Variants in HIF3A observed in about 807,000 individuals in gnomAD.
The protein encoded by HIF3A is hypoxia-inducible factor 3-alpha.
In HIF3A, 41 loss-of-function variants were observed where a neutral mutation model predicts 67.2. The observed-to-expected ratio is 0.61, with a 90% CI of 0.48 to 0.79. The LOEUF (loss-of-function observed/expected upper bound fraction) is 0.79, where lower values mean the gene tolerates loss of function less well. Ranked by LOEUF, HIF3A falls within the 30% of genes least tolerant of loss-of-function variation. HIF3A has a pLI of 0.00. For synonymous variants in HIF3A, 356 were observed against 374.8 expected, an observed-to-expected ratio of 0.95 and a Z score of 0.58; for missense variants, 855 against 898.0, an observed-to-expected ratio of 0.95 and a Z score of 0.61.
In HIF3A at chr19:46,321,773, C is replaced by A; in HGVS notation, c.1145-3C>A. 1 of 1,612,318 alleles carries A rather than the reference C, an allele frequency of 6.2e-7. No individual in the cohort carries two copies. Among genetic ancestry groups the A allele is most frequent in the South Asian group, 1.1e-5 (1 of 90,880 alleles). ...GTCCTCCCCATCTCCATGTGTCCTG[C>A]AGACACCCCTGGCCCCCGGATCCTT... On this transcript the variant is annotated splice_polypyrimidine_tract_variant and splice_region_variant and intron_variant, in intron 9 of 14. Transcript: ENST00000377670.
chr19:46,321,751 C>T (rs1169242558), intron 9 of HIF3A, 25 bp from the exon 10 acceptor site: 1 of 1,604,676 alleles, frequency 6.2e-7, no homozygotes, highest in Non-Finnish European at 8.5e-7. Flanking sequence ...AGCCCGTGTC[C>T]TCCCCATCTC....
chr19:46,305,764 A>G (rs1490997615), intron 3 of HIF3A, among the ~76,000 whole-genome samples: 1 of 152,156 alleles, frequency 6.6e-6, no homozygotes, highest in Non-Finnish European at 1.5e-5. Flanking sequence ...GGTGAGGAAA[A>G]AAAAACAGAA....
At chr19:46,339,454 G>T in intron 14 of HIF3A, 71 bp from the exon 15 acceptor site, 1 of 964,108 alleles carries the variant, frequency 1.0e-6, no homozygotes, top group East Asian at 2.7e-5. Context: ...CTGACATTGG[G>T]GTTATGGTTG....
At chr19:46,332,384 T>A (rs1436513787) in intron 13 of HIF3A, among the ~76,000 whole-genome samples, 7 of 150,186 alleles carry the variant, frequency 4.7e-5, no homozygotes, top group Non-Finnish European at 8.9e-5. Flanking sequence ...AAAAAAAAAA[T>A]TAAAATTTAA....
chr19:46,333,032 GTGTATATATA>G (rs1411712310), intron 13 of HIF3A, among the ~76,000 whole-genome samples: 1 of 150,492 alleles, frequency 6.6e-6, no homozygotes, highest in African/African-American at 2.4e-5. Context: ...GTATATATGT[GTGTATATATA>G]TGTATATATG....
At position 46,342,960 on chromosome 19, in the gene HIF3A, T is replaced by C. The variant is rs1971981459; in HGVS notation, c.*3338T>C. ...GCACTTACCTTGACTTTACCCCACA[T>C]GTTTGGGGCACCTGGGGCTCCCTCA... On this transcript the variant is annotated 3_prime_UTR_variant, in exon 15 of 15. Transcript: ENST00000377670. 6.6e-6 allele frequency: 1 copy of C among 152,360 alleles called. No individual in the cohort carries two copies. The highest frequency in any genetic ancestry group is 1.5e-5 in the Non-Finnish European group (1 of 68,056). 9.4% of individuals were successfully genotyped at this position (152,360 alleles called of 1,614,324 possible).
At chr19:46,330,025 G>C (rs543386392) in intron 12 of HIF3A, among the ~76,000 whole-genome samples, 1 of 135,990 alleles carries the variant, frequency 7.4e-6, no homozygotes, top group African/African-American at 2.7e-5. Flanking sequence ...AGGGAGGAAG[G>C]AAAGAAGAAG....
intron 8 of HIF3A, chr19:46,313,130 A>G: frequency 1.9e-6 from 1 of 532,832 alleles, no homozygotes; most frequent in Non-Finnish European, 2.4e-6. Flanking sequence ...ACATGCCTGT[A>G]ATCCCAACTA....
intron 6 of HIF3A, among the ~76,000 whole-genome samples, chr19:46,311,783 C>T (rs1969446211): frequency 6.6e-6 from 1 of 152,128 alleles, no homozygotes; most frequent in Non-Finnish European, 1.5e-5. Context: ...ATTGCTTGAG[C>T]CTGGGAGGTC....
rs543522717 is a variant in HIF3A at position 46,312,239 on chromosome 19, C to A, written c.849C>A (p.Ser283=). Residue 283 remains serine, a synonymous_variant, in exon 7 of 15, where the codon TCC becomes TCA. Transcript: ENST00000377670. ...ACGAGTACATCCACGCGCTGGACTC[C>A]GATGCGGTCAGCAAGAGCATCCACA... ...SAYEYIHALD[S]DAVSKSIHTL... is the part of the protein sequence containing the mutation. The A allele has an allele frequency of 6.2e-7, 1 of 1,613,914 alleles. No individual in the cohort carries two copies. The highest frequency in any genetic ancestry group is 8.5e-7 in the Non-Finnish European group (1 of 1,179,940).
intron 14 of HIF3A, chr19:46,338,105 C>T (rs1044805855): frequency 2.3e-6 from 1 of 433,446 alleles, no homozygotes; most frequent in African/African-American, 2.0e-5. Context: ...GAGTGTCGGT[C>T]CCATAAGGGC....
intron 1 of HIF3A, among the ~76,000 whole-genome samples, chr19:46,298,049 G>A (rs1967996223): frequency 6.6e-6 from 1 of 152,058 alleles, no homozygotes; most frequent in South Asian, 2.1e-4. Flanking sequence ...GCCGCTGCCG[G>A]GGGGTTTTAT....
At chr19:46,334,782 A>C (rs1971487923) in intron 13 of HIF3A, 123 bp from the exon 14 acceptor site, 1 of 698,116 alleles carries the variant, frequency 1.4e-6, no homozygotes, top group Non-Finnish European at 2.4e-6. Context: ...TTTGGGCTTA[A>C]GTGATCCTCC....
Position 46,309,289 on chromosome 19 carries a change from C to T in HIF3A, c.700C>T (p.Pro234Ser), listed in dbSNP as rs762980901. ...CATCCCCCACCCAGGCAGCCTGGAG[C>T]CCCCACTGGGCCGAGGGGCCTTCCT... The part of the protein sequence containing the change: ...EAIPHPGSLE[P>S]PLGRGAFLSR... Residue 234 changes from proline to serine, a missense_variant, in exon 6 of 15, where the codon CCC becomes TCC. Pro to Ser is a moderately conservative substitution (Grantham distance 74). This residue lies in a region of HIF3A where 638 missense variants were observed against 660.5 expected (regional missense o/e 0.97). Transcript: ENST00000377670. 2 of 1,613,532 alleles carry T rather than the reference C, an allele frequency of 1.2e-6. No individual in the cohort carries two copies. Among genetic ancestry groups the T allele is most frequent in the Non-Finnish European group, 8.5e-7 (1 of 1,179,804 alleles).
chr19:46,308,862 A>G (rs1969160750), intron 5 of HIF3A, 87 bp downstream of exon 5: 2 of 952,652 alleles, frequency 2.1e-6, no homozygotes, highest in South Asian at 3.2e-5. Flanking sequence ...GAGTCCAGGC[A>G]TCTCCTAGGC....
intron 1 of HIF3A, chr19:46,298,419 C>A: frequency 1.6e-6 from 2 of 1,287,874 alleles, no homozygotes; most frequent in Non-Finnish European, 2.0e-6. Context: ...CACCGCCGTG[C>A]GCACCCACTC....
chr19:46,317,707 C>T (rs1970028887), intron 8 of HIF3A, among the ~76,000 whole-genome samples: 1 of 152,136 alleles, frequency 6.6e-6, no homozygotes, highest in African/African-American at 2.4e-5. Context: ...ACTTTTGCAC[C>T]AGAGCACTTA....
chr19:46,313,809 G>A (rs918636497), intron 8 of HIF3A, among the ~76,000 whole-genome samples: 10 of 150,812 alleles, frequency 6.6e-5, no homozygotes, highest in Admixed American at 2.7e-4. Flanking sequence ...GGGATTACAC[G>A]CAACAACACG....
chr19:46,303,474 T>A (rs1968511367), intron 1 of HIF3A: 1 of 649,032 alleles, frequency 1.5e-6, no homozygotes. Flanking sequence ...GCAGGGGGCC[T>A]GGGAGGCTGT....
Sources: gnomAD v4.1 joint callset for allele counts (sites outside exome capture counted in the v4.1 genomes callset) on GRCh38, gnomAD v4.1.1 for gene constraint, gnomAD v4.1.1 regional missense constraint, MANE v1.5 for transcripts, NCBI Gene and HGNC (gene_info 2026-07-23, HGNC 2026-07-21) for gene names.